Variants in CNTN4 observed in about 807,000 individuals in gnomAD.
CNTN4 encodes the protein contactin 4.
In CNTN4, 77 loss-of-function variants were observed where a neutral mutation model predicts 122.5. The observed-to-expected ratio is 0.63, with a 90% CI of 0.52 to 0.76. The LOEUF (loss-of-function observed/expected upper bound fraction) is 0.76, where lower values mean the gene tolerates loss of function less well. Among genes scored for constraint, CNTN4 ranks in the 30% least tolerant of loss-of-function variants. The pLI is 0.00. For missense variants in CNTN4, 1,256 were observed against 1,259.1 expected (o/e 1.00, Z 0.04); for synonymous variants, 512 against 447.0 (o/e 1.15, Z -1.83).
intron 23 of CNTN4, among the ~76,000 whole-genome samples, chr3:3,046,689 G>A (rs2125834703): frequency 6.6e-6 from 1 of 152,214 alleles, no homozygotes; most frequent in Middle Eastern, 3.4e-3. Flanking sequence ...AAATTGTAAA[G>A]ACCATTGATG....
chr3:2,289,573 G>A (rs907568816), intron 2 of CNTN4, among the ~76,000 whole-genome samples: 1 of 152,296 alleles, frequency 6.6e-6, no homozygotes, highest in South Asian at 2.1e-4. Context: ...ATTGAACACA[G>A]TTCAGGGGAG....
intron 3 of CNTN4, among the ~76,000 whole-genome samples, chr3:2,366,067 A>G (rs1044498335): frequency 3.3e-5 from 5 of 152,212 alleles, no homozygotes; most frequent in Non-Finnish European, 7.3e-5. Context: ...TGGCAACTCC[A>G]TAATGAATTT....
At chr3:2,290,826 A>G (rs2042106694) in intron 2 of CNTN4, among the ~76,000 whole-genome samples, 1 of 152,168 alleles carries the variant, frequency 6.6e-6, no homozygotes, top group Non-Finnish European at 1.5e-5. Context: ...ATGAGAGGAA[A>G]AAACTTATTT....
intron 2 of CNTN4, chr3:2,144,244 C>A (rs879491921): frequency 1.3e-5 from 2 of 152,168 alleles, no homozygotes; most frequent in Non-Finnish European, 2.9e-5. Context: ...GCTTACATAT[C>A]AGGCCTGGGG....
intron 2 of CNTN4, among the ~76,000 whole-genome samples, chr3:2,107,560 C>G (rs545413947): frequency 4.8e-4 from 73 of 152,190 alleles, no homozygotes; most frequent in African/African-American, 1.5e-3. Flanking sequence ...CAATCACCAC[C>G]CTTAACACTT....
intron 4 of CNTN4, among the ~76,000 whole-genome samples, chr3:2,718,582 A>G (rs549961438): frequency 6.6e-6 from 1 of 152,300 alleles, no homozygotes; most frequent in African/African-American, 2.4e-5. Flanking sequence ...TTCTAACACA[A>G]CCAGTAGTTT....
At chr3:2,550,817 G>T (rs1241619909) in intron 3 of CNTN4, among the ~76,000 whole-genome samples, 1 of 152,066 alleles carries the variant, frequency 6.6e-6, no homozygotes, top group Non-Finnish European at 1.5e-5. Context: ...GGATGAAGCT[G>T]GAAACCATCA....
At chr3:2,947,870 C>A (rs2094695875) in intron 13 of CNTN4, among the ~76,000 whole-genome samples, 1 of 152,196 alleles carries the variant, frequency 6.6e-6, no homozygotes, top group African/African-American at 2.4e-5. Context: ...TTAAACTTGC[C>A]TTTTAGGCCA....
chr3:2,524,195 G>T (rs1250765773), intron 3 of CNTN4, among the ~76,000 whole-genome samples: 1 of 151,962 alleles, frequency 6.6e-6, no homozygotes, highest in Non-Finnish European at 1.5e-5. Context: ...CTCTTTCTCT[G>T]TGCCTCGTCT....
At chr3:2,730,313 C>G (rs1037366119) in intron 4 of CNTN4, among the ~76,000 whole-genome samples, 2 of 152,172 alleles carry the variant, frequency 1.3e-5, no homozygotes, top group African/African-American at 4.8e-5. Flanking sequence ...TTTGAATCAT[C>G]TAGCACAGGT....
At chr3:2,837,207 A>G (rs969163278) in intron 7 of CNTN4, among the ~76,000 whole-genome samples, 1 of 152,174 alleles carries the variant, frequency 6.6e-6, no homozygotes, top group Non-Finnish European at 1.5e-5. Context: ...CAAAAAAAGC[A>G]TTTTTTGTAC....
intron 8 of CNTN4, among the ~76,000 whole-genome samples, chr3:2,878,228 C>T (rs2093867556): frequency 6.6e-6 from 1 of 152,144 alleles, no homozygotes; most frequent in Non-Finnish European, 1.5e-5. Context: ...AGAAATCACT[C>T]ACTCTGTGTG....
chr3:2,146,851 G>A (rs548234506), intron 2 of CNTN4, among the ~76,000 whole-genome samples: 1 of 152,032 alleles, frequency 6.6e-6, no homozygotes, highest in Non-Finnish European at 1.5e-5. Context: ...TGTCTTTAGA[G>A]CTCACACTTC....
At chr3:2,619,969 T>A (rs1029208835) in intron 4 of CNTN4, among the ~76,000 whole-genome samples, 1 of 151,316 alleles carries the variant, frequency 6.6e-6, no homozygotes, top group Non-Finnish European at 1.5e-5. Context: ...CCTGGTACTT[T>A]TTTCCCCTGG....
intron 2 of CNTN4, among the ~76,000 whole-genome samples, chr3:2,194,201 T>C (rs1185587680): frequency 6.6e-6 from 1 of 152,132 alleles, no homozygotes; most frequent in Non-Finnish European, 1.5e-5. Context: ...TGGTGGTTCA[T>C]GCCTGTAATC....
intron 4 of CNTN4, among the ~76,000 whole-genome samples, chr3:2,652,832 T>G (rs776524899): frequency 6.6e-6 from 1 of 152,154 alleles, no homozygotes; most frequent in Non-Finnish European, 1.5e-5. Context: ...ACATTTAAGC[T>G]GTTGTTTAAA....
chr3:2,595,686 A>C (rs1647140455), intron 4 of CNTN4, among the ~76,000 whole-genome samples: 1 of 152,130 alleles, frequency 6.6e-6, no homozygotes, highest in African/African-American at 2.4e-5. Context: ...GCTTGGGTGT[A>C]GCCCCTCCTA....
intron 6 of CNTN4, among the ~76,000 whole-genome samples, chr3:2,753,918 C>T (rs1041922006): frequency 1.3e-5 from 2 of 152,084 alleles, no homozygotes; most frequent in African/African-American, 4.8e-5. Flanking sequence ...TAATTGGTTT[C>T]AGGTTTTATA....
chr3:3,011,154 G>T (rs983178358), intron 14 of CNTN4, among the ~76,000 whole-genome samples: 2 of 152,106 alleles, frequency 1.3e-5, no homozygotes, highest in Non-Finnish European at 2.9e-5. Flanking sequence ...GAAGACAAGT[G>T]GGGGAAGAAA....
Sources: allele counts gnomAD v4.1 joint callset (sites outside exome capture counted in the v4.1 genomes callset), GRCh38; gene constraint gnomAD v4.1.1; transcripts MANE v1.5; gene names NCBI Gene and HGNC (gene_info 2026-07-23, HGNC 2026-07-21).